STMN3: variants seen among roughly 807,000 people sequenced by gnomAD.
STMN3 encodes the protein stathmin-3.
STMN3 carries 24 observed loss-of-function variants against 23.2 expected under a neutral mutation model. That is an observed-to-expected ratio of 1.03 (90% confidence interval 0.75 to 1.45). The LOEUF (loss-of-function observed/expected upper bound fraction) is 1.45, where lower values mean the gene tolerates loss of function less well. Among genes scored for constraint, STMN3 ranks in the 40% most tolerant of loss-of-function variants. STMN3 has a pLI of 0.00. For synonymous variants in STMN3, 117 were observed against 103.4 expected, an observed-to-expected ratio of 1.13 and a Z score of -0.80; for missense variants, 235 against 237.6, an observed-to-expected ratio of 0.99 and a Z score of 0.07.
intron 1 of STMN3, among the ~76,000 whole-genome samples, chr20:63,647,723 T>A (rs1477928575): frequency 2.4e-5 from 3 of 127,504 alleles, no homozygotes; most frequent in Non-Finnish European, 5.0e-5. Context: ...TGTATATATA[T>A]TATATACATA....
rs760561223 is a variant in STMN3 at position 63,644,315 on chromosome 20, G to A, written c.20-6C>T. ...CTTCATCTTCTCCTTGTAGGCTGTG[G>A]GCACAAGGCTGGGCTGAGCAAGCAC... On this transcript the variant is annotated splice_region_variant and splice_polypyrimidine_tract_variant and intron_variant, in intron 1 of 4. Transcript: ENST00000370053. The A allele has an allele frequency of 9.3e-6, 15 of 1,608,966 alleles. No individual in the cohort carries two copies. The East Asian group carries it at 2.5e-4, about 26-fold the overall frequency.
Position 63,653,384 on chromosome 20 carries a change from C to T in STMN3, c.-39G>A, listed in dbSNP as rs1384680583. 1.3e-6 allele frequency: 2 copies of T among 1,521,406 alleles called. No individual in the cohort carries two copies. Among genetic ancestry groups the T allele is most frequent in the Non-Finnish European group, 1.8e-6 (2 of 1,132,866 alleles). 94.2% of individuals were successfully genotyped at this position (1,521,406 alleles called of 1,614,324 possible). On this transcript the variant is annotated 5_prime_UTR_variant, in exon 1 of 5. Transcript: ENST00000370053. ...GTTGGGCCTGCGGAGGCTGGAGAGG[C>T]GCAAGTGGCGGCCGGAGCTGCAGAC...
chr20:63,650,226 C>T (rs189247987), intron 1 of STMN3, among the ~76,000 whole-genome samples: 1 of 152,242 alleles, frequency 6.6e-6, no homozygotes, highest in East Asian at 1.9e-4. Context: ...CCATCCTTCC[C>T]CTTCACTGAC....
Position 63,652,536 on chromosome 20 carries a change from C to A in STMN3, c.19+791G>T. ...TGCGCCCGCCCCTCCGCCTGAGCTC[C>A]GCGCGGGACGGGCCGGGAGGCCGGG... On this transcript the variant is annotated intron_variant, in intron 1 of 4. Transcript: ENST00000370053. The surrounding 1 kb of genome is among the most constrained non-coding windows in gnomAD (Gnocchi z 5.3). 3.1e-6 allele frequency: 3 copies of A among 980,504 alleles called. No individual in the cohort carries two copies. The highest frequency in any genetic ancestry group is 3.6e-6 in the Non-Finnish European group (3 of 825,548). The allele number at this position is 980,504 out of a possible 1,614,324, so 60.7% of individuals were successfully genotyped here. A position where few individuals can be genotyped will look rare whatever the true frequency, so the allele number is the denominator to read the frequency against.
At position 63,642,268 on chromosome 20, in the gene STMN3, G is replaced by A; in HGVS notation, c.323C>T (p.Ala108Val). The A allele has an allele frequency of 1.3e-6, 2 of 1,543,180 alleles. No individual in the cohort carries two copies. The highest frequency in any genetic ancestry group is 2.0e-5 in the Admixed American group (1 of 50,702). ...CTCGCGCTCGTGCTCGCGCCGCTCC[G>A]CCAGCTGCTTCAGCACCTGCGCCTC... ...TQEAQVLKQLAERREHEREVL... is the reference protein window; with the variant it reads ...TQEAQVLKQLVERREHEREVL... Residue 108 changes from alanine to valine, a missense_variant, in exon 4 of 5, where the codon GCG becomes GTG. By Grantham distance (64) the Ala-to-Val change is moderately conservative (BLOSUM62 0). Transcript: ENST00000370053.
intron 1 of STMN3, among the ~76,000 whole-genome samples, chr20:63,650,118 G>A (rs1396842121): frequency 5.8e-5 from 5 of 86,530 alleles, no homozygotes; most frequent in Non-Finnish European, 1.2e-4. Context: ...GTGAGCCCCC[G>A]CGCCTGGCCC....
rs2089863181 is a variant in STMN3, at chr20:63,652,016, CA to C, written c.19+1310del. The C allele has an allele frequency of 6.6e-6, 1 of 152,474 alleles. No individual in the cohort carries two copies. Among genetic ancestry groups the C allele is most frequent in the African/African-American group, 2.4e-5 (1 of 41,444 alleles). The allele number at this position is 152,474 out of a possible 1,614,324, so 9.4% of individuals were successfully genotyped here. ...GAGTCCCCTCCGCTGAGAGCCCCCC[CA>C]CCCCCAGTATCCCCGGGGGTGTCCA... On this transcript the variant is annotated intron_variant, in intron 1 of 4. Coordinates refer to ENST00000370053, the MANE Select transcript of STMN3 (RefSeq NM_015894.4). The surrounding 1 kb of genome is among the most constrained non-coding windows in gnomAD (Gnocchi z 5.3).
chr20:63,643,465 C>A (rs1301700525), intron 3 of STMN3, among the ~76,000 whole-genome samples: 1 of 152,028 alleles, frequency 6.6e-6, no homozygotes, highest in Non-Finnish European at 1.5e-5. Flanking sequence ...ATTTTTAGTA[C>A]AGATGGGGTT....
Position 63,647,893 on chromosome 20 carries a change from CGT to C in STMN3, c.20-3586_20-3585del, listed in dbSNP as rs1447454478. On this transcript the variant is annotated intron_variant, in intron 1 of 4. Transcript: ENST00000370053. ...ACACGTGTATATATTAATATATATA[CGT>C]ATATATACACGTGTGTATATATTAA... is the stretch of plus-strand genomic sequence containing the variant. 3.7e-5 allele frequency among the ~76,000 whole-genome samples: 4 copies of C among 108,172 alleles called. No homozygotes were observed. The East Asian group carries it at 9.1e-4, about 25-fold the overall frequency. The allele number at this position is 108,172 out of a possible 152,430, so 71.0% of individuals were successfully genotyped here. A position where few individuals can be genotyped will look rare whatever the true frequency, so the allele number is the denominator to read the frequency against.
intron 1 of STMN3, among the ~76,000 whole-genome samples, 171 bp from the exon 2 acceptor site, chr20:63,644,480 G>A (rs1048774647): frequency 3.9e-5 from 6 of 152,074 alleles, no homozygotes; most frequent in Non-Finnish European, 8.8e-5. Context: ...CAGCTCTCTC[G>A]CTTCCAGACG....
At chr20:63,641,936 C>CCAGTG (rs1176915055) in intron 4 of STMN3, among the ~76,000 whole-genome samples, 172 bp downstream of exon 4, 2 of 139,632 alleles carry the variant, frequency 1.4e-5, no homozygotes, top group African/African-American at 2.7e-5. Context: ...CCGGCCCCGC[C>CCAGTG]CCGGCCCCTG....
chr20:63,644,577 G>A (rs1351939877), intron 1 of STMN3, among the ~76,000 whole-genome samples: 1 of 152,158 alleles, frequency 6.6e-6, no homozygotes, highest in South Asian at 2.1e-4. Context: ...CGGCATTAAT[G>A]TCTGTCTCAT....
intron 1 of STMN3, among the ~76,000 whole-genome samples, chr20:63,650,441 T>C (rs2089849216): frequency 1.4e-5 from 2 of 140,862 alleles, no homozygotes; most frequent in African/African-American, 5.4e-5. Context: ...CGCCCACCCC[T>C]CCCGCCGTCC....
intron 1 of STMN3, among the ~76,000 whole-genome samples, chr20:63,651,237 A>G (rs1469887579): frequency 6.6e-6 from 1 of 152,180 alleles, no homozygotes; most frequent in Non-Finnish European, 1.5e-5. Context: ...CTGGGATTAC[A>G]GGCATGAGCC....
At chr20:63,643,256 C>G (rs1455033435) in intron 3 of STMN3, among the ~76,000 whole-genome samples, 2 of 152,184 alleles carry the variant, frequency 1.3e-5, no homozygotes, top group African/African-American at 4.8e-5. Flanking sequence ...GGAACCCTTC[C>G]TCCTCTCCAT....
intron 1 of STMN3, among the ~76,000 whole-genome samples, chr20:63,645,258 G>A (rs1420940547): frequency 2.0e-5 from 3 of 152,108 alleles, no homozygotes; most frequent in Non-Finnish European, 4.4e-5. Flanking sequence ...GACTTTCTTG[G>A]GCTGTAAACC....
At chr20:63,650,961 CTTTT>C (rs151283484) in intron 1 of STMN3, among the ~76,000 whole-genome samples, 2 of 132,990 alleles carry the variant, frequency 1.5e-5, no homozygotes, top group Non-Finnish European at 3.2e-5. Context: ...CTTCTTTCTT[CTTTT>C]TTTTTTTTTT....
chr20:63,648,301 G>A (rs1237471558), intron 1 of STMN3, among the ~76,000 whole-genome samples: 1 of 151,872 alleles, frequency 6.6e-6, no homozygotes, highest in Non-Finnish European at 1.5e-5. Flanking sequence ...GTTTGGGCTG[G>A]GGCAGAACGT....
At chr20:63,648,021 T>A (rs1351229397) in intron 1 of STMN3, among the ~76,000 whole-genome samples, 1 of 133,412 alleles carries the variant, frequency 7.5e-6, no homozygotes, top group East Asian at 2.0e-4. Context: ...TGATAGGTCT[T>A]GCTGTCTTGT....
Sources: allele counts gnomAD v4.1 joint callset (sites outside exome capture counted in the v4.1 genomes callset), GRCh38; gene constraint gnomAD v4.1.1; non-coding constraint Gnocchi (gnomAD v3.1); transcripts MANE v1.5; gene names NCBI Gene and HGNC (gene_info 2026-07-23, HGNC 2026-07-21).